Variants in XRCC2 observed in about 807,000 individuals in gnomAD.
The protein encoded by XRCC2 is X-ray repair cross complementing 2.
In XRCC2, 24 loss-of-function variants were observed where a neutral mutation model predicts 27.3. The observed-to-expected ratio is 0.88, with a 90% CI of 0.64 to 1.24. The LOEUF is 1.24. Ranked by LOEUF, XRCC2 falls within the 50% of genes most tolerant of loss-of-function variation. The pLI, the probability that XRCC2 is intolerant of heterozygous loss-of-function variation, is 0.00. For synonymous variants in XRCC2, 106 were observed against 115.4 expected (o/e 0.92, Z 0.52); for missense variants, 321 against 325.8 (o/e 0.99, Z 0.11).
chr7:152,667,136 G>T (rs1037369434), intron 1 of XRCC2, among the ~76,000 whole-genome samples: 36 of 151,934 alleles, frequency 2.4e-4, no homozygotes, highest in African/African-American at 8.7e-4. Context: ...GCCAGGTGCG[G>T]TGGCTCACGC....
intron 2 of XRCC2, among the ~76,000 whole-genome samples, chr7:152,652,433 T>C (rs1465409056): frequency 6.6e-6 from 1 of 151,680 alleles, no homozygotes; most frequent in Non-Finnish European, 1.5e-5. Flanking sequence ...CCACAGCAAA[T>C]CCTCCCTCTC....
At chr7:152,649,746 G>C (rs1284498246) in intron 2 of XRCC2, among the ~76,000 whole-genome samples, 1 of 152,168 alleles carries the variant, frequency 6.6e-6, no homozygotes, top group African/African-American at 2.4e-5. Context: ...CAATTTGATG[G>C]GGAGGGAAAT....
In XRCC2 at chr7:152,647,109, T is replaced by G. The variant is rs1168280786; in HGVS notation, c.*1533A>C. Reference sequence around the variant, plus strand: ...TTTATAATAGCCATTTGGACTGGTGTGAGATGGTATCTCGTTGTTGTTTCG... The same window carrying G: ...TTTATAATAGCCATTTGGACTGGTGGGAGATGGTATCTCGTTGTTGTTTCG... On this transcript the variant is annotated 3_prime_UTR_variant, in exon 3 of 3. Coordinates refer to ENST00000359321, the MANE Select transcript of XRCC2 (RefSeq NM_005431.2). The G allele has an allele frequency of 2.0e-5, 3 of 152,234 alleles. No individual in the cohort carries two copies. The highest frequency in any genetic ancestry group is 4.4e-5 in the Non-Finnish European group (3 of 68,040). The allele number at this position is 152,234 out of a possible 1,614,324, so 9.4% of individuals were successfully genotyped here.
At chr7:152,663,346 T>TAAAAAA (rs530664762) in intron 1 of XRCC2, among the ~76,000 whole-genome samples, 2,946 of 80,432 alleles carry the variant, frequency 0.037, 407 homozygotes, top group East Asian at 0.062. Context: ...GTCTTTGAAG[T>TAAAAAA]AAAAAAAAAA....
chr7:152,649,524 T>G (rs2098027604), intron 2 of XRCC2, among the ~76,000 whole-genome samples, 161 bp from the exon 3 acceptor site: 1 of 152,034 alleles, frequency 6.6e-6, no homozygotes, highest in Non-Finnish European at 1.5e-5. Context: ...ATACAATAAA[T>G]AAGGAAATTA....
chr7:152,651,315 A>G (rs1450654363), intron 2 of XRCC2, among the ~76,000 whole-genome samples: 1 of 152,012 alleles, frequency 6.6e-6, no homozygotes, highest in Non-Finnish European at 1.5e-5. Flanking sequence ...GGCTGGGTAC[A>G]GTAGCTCATG....
At chr7:152,664,476 T>C (rs539724333) in intron 1 of XRCC2, among the ~76,000 whole-genome samples, 1 of 152,292 alleles carries the variant, frequency 6.6e-6, no homozygotes, top group East Asian at 1.9e-4. Flanking sequence ...TTTCTTGAAC[T>C]GGGACACCCA....
rs1033362250 is a variant in XRCC2, at chr7:152,645,585, CTTT to C, written c.*3054_*3056del. 4.6e-5 allele frequency: 7 copies of C among 152,056 alleles called. No homozygotes were observed. Among genetic ancestry groups the C allele is most frequent in the Admixed American group, 4.6e-4 (7 of 15,232 alleles). The allele number at this position is 152,056 out of a possible 1,614,324, so 9.4% of individuals were successfully genotyped here. A position where few individuals can be genotyped will look rare whatever the true frequency, so the allele number is the denominator to read the frequency against. The stretch of plus-strand genomic sequence containing the variant: ...TGACAGTTTTGTTTCTTCCATATGC[CTTT>C]TTTTCATGCTTTTTCATTTTCCTTG... On this transcript the variant is annotated 3_prime_UTR_variant, in exon 3 of 3. Transcript: ENST00000359321.
At chr7:152,658,669 G>A (rs1173460739) in intron 2 of XRCC2, among the ~76,000 whole-genome samples, 3 of 151,278 alleles carry the variant, frequency 2.0e-5, no homozygotes, top group Non-Finnish European at 4.4e-5. Flanking sequence ...CTGCATATAA[G>A]TGGAATCAAG....
intron 2 of XRCC2, among the ~76,000 whole-genome samples, chr7:152,655,655 C>T (rs547128490): frequency 3.0e-4 from 46 of 152,240 alleles, no homozygotes; most frequent in Admixed American, 2.2e-3. Context: ...GAGGCTGCAG[C>T]GAGCCGTCAC....
intron 1 of XRCC2, among the ~76,000 whole-genome samples, chr7:152,665,419 C>T (rs988506845): frequency 8.0e-5 from 12 of 150,922 alleles, no homozygotes; most frequent in African/African-American, 2.4e-4. Context: ...ACTCAGTGAA[C>T]CATCCAAAAG....
chr7:152,653,124 G>A (rs560124517), intron 2 of XRCC2, among the ~76,000 whole-genome samples: 1 of 152,106 alleles, frequency 6.6e-6, no homozygotes, highest in Admixed American at 6.6e-5. Context: ...TCATGGGGGC[G>A]GGTCTTTCCT....
rs2098032825 is a variant in XRCC2, at chr7:152,660,891, G to C, written c.40-109C>G. ...CTGTAAGATTTCATAACTTTAGGCT[G>C]GGTGCTGTGGCTCACACCTGTAATC... On this transcript the variant is annotated intron_variant, in intron 1 of 2. Coordinates refer to ENST00000359321, the MANE Select transcript of XRCC2 (RefSeq NM_005431.2). 10 of 943,280 alleles carry C rather than the reference G, an allele frequency of 1.1e-5. No homozygotes were observed. In the South Asian group the frequency reaches 1.7e-4, roughly 16 times the overall value. 58.4% of individuals were successfully genotyped at this position (943,280 alleles called of 1,614,324 possible). A position where few individuals can be genotyped will look rare whatever the true frequency, so the allele number is the denominator to read the frequency against.
chr7:152,657,067 T>G (rs2116995925), intron 2 of XRCC2, among the ~76,000 whole-genome samples: 1 of 151,664 alleles, frequency 6.6e-6, no homozygotes, highest in South Asian at 2.1e-4. Flanking sequence ...TGAAACCCCG[T>G]CTCTACTAAA....
chr7:152,666,925 G>C (rs186179068), intron 1 of XRCC2, among the ~76,000 whole-genome samples: 5 of 152,174 alleles, frequency 3.3e-5, no homozygotes, highest in Admixed American at 2.6e-4. Flanking sequence ...GCAAGACAGA[G>C]AGACTTTCAT....
intron 2 of XRCC2, among the ~76,000 whole-genome samples, chr7:152,653,345 G>T (rs929605547): frequency 6.6e-6 from 1 of 152,048 alleles, no homozygotes. Flanking sequence ...CCCAGTCTTG[G>T]GTATGTCTTT....
At chr7:152,649,897 C>T (rs1168397117) in intron 2 of XRCC2, among the ~76,000 whole-genome samples, 1 of 152,190 alleles carries the variant, frequency 6.6e-6, no homozygotes, top group Non-Finnish European at 1.5e-5. Context: ...CTGCCGCACC[C>T]TCCTGTGGGG....
rs2098026631 is a variant in XRCC2 at position 152,647,660 on chromosome 7, T to C, written c.*982A>G. The stretch of plus-strand genomic sequence containing the variant: ...ACGATTTATTGAATAGAGAATCCAT[T>C]GCCCATTGCTTGTTTTTGTCAGGTT... On this transcript the variant is annotated 3_prime_UTR_variant, in exon 3 of 3. Coordinates refer to ENST00000359321, the MANE Select transcript of XRCC2 (RefSeq NM_005431.2). 1 of 152,224 alleles carries C rather than the reference T, an allele frequency of 6.6e-6. No individual in the cohort carries two copies. The highest frequency in any genetic ancestry group is 2.4e-5 in the African/African-American group (1 of 41,468). The allele number at this position is 152,224 out of a possible 1,614,324, so 9.4% of individuals were successfully genotyped here.
chr7:152,664,825 G>A (rs2098034877), intron 1 of XRCC2, among the ~76,000 whole-genome samples: 3 of 152,070 alleles, frequency 2.0e-5, no homozygotes, highest in African/African-American at 4.8e-5. Context: ...ACCAGGGAGG[G>A]GAAAATTTCC....
Sources: allele counts gnomAD v4.1 joint callset (sites outside exome capture counted in the v4.1 genomes callset), GRCh38; gene constraint gnomAD v4.1.1; transcripts MANE v1.5; gene names NCBI Gene and HGNC (gene_info 2026-07-23, HGNC 2026-07-21).